KANK1: variants seen among roughly 807,000 people sequenced by gnomAD.
The protein encoded by KANK1 is KN motif and ankyrin repeat domain-containing protein 1.
Under a neutral mutation model 106.2 loss-of-function variants are expected in KANK1, and 109 were observed. The ratio of observed to expected loss-of-function variants is 1.03; its 90% CI spans 0.88 to 1.20. The LOEUF (loss-of-function observed/expected upper bound fraction) is 1.20, where lower values mean the gene tolerates loss of function less well. Among genes scored for constraint, KANK1 ranks in the 50% most tolerant of loss-of-function variants. The pLI is 0.00. For missense variants in KANK1, 2,399 were observed against 1,710.7 expected, an observed-to-expected ratio of 1.40 and a Z score of -7.10; for synonymous variants, 873 against 652.2, an observed-to-expected ratio of 1.34 and a Z score of -5.16.
chr9:737,195 C>G (rs147725532), intron 7 of KANK1, among the ~76,000 whole-genome samples: 2 of 152,086 alleles, frequency 1.3e-5, no homozygotes, highest in Non-Finnish European at 2.9e-5. Flanking sequence ...TGTGACAACT[C>G]CAGAGAAACA....
chr9:661,734 C>T (rs1452541162), intron 1 of KANK1, among the ~76,000 whole-genome samples: 3 of 152,178 alleles, frequency 2.0e-5, no homozygotes, highest in Non-Finnish European at 2.9e-5. Flanking sequence ...AGTTTACACT[C>T]CCACCAACTG....
At chr9:533,922 G>A (rs551560669) in intron 1 of KANK1, among the ~76,000 whole-genome samples, 11 of 152,082 alleles carry the variant, frequency 7.2e-5, no homozygotes, top group African/African-American at 1.9e-4. Flanking sequence ...TATCTTTTAC[G>A]AGGACCTGGA....
chr9:710,951 A>G lies in KANK1; in HGVS notation c.185A>G (p.Asn62Ser). 1.2e-6 allele frequency: 2 copies of G among 1,614,162 alleles called. No homozygotes were observed. Among genetic ancestry groups the G allele is most frequent in the Non-Finnish European group, 1.7e-6 (2 of 1,180,038 alleles). ...IQKGNTIKRL[N>S]IQKRRKPSVP... is the part of the protein sequence containing the mutation. ...AAGGGAAATACCATCAAAAGACTGA[A>G]CATCCAGAAGAGGCGGAAGCCGTCC... The change falls in exon 3 of 12, where the codon AAC becomes AGC. Residue 62 changes from asparagine to serine, a missense_variant. Transcript: ENST00000382297.
Position 745,203 on chromosome 9 carries a change from C to G in KANK1, c.4027C>G (p.Pro1343Ala). The G allele has an allele frequency of 6.2e-7, 1 of 1,614,060 alleles. No homozygotes were observed. Among genetic ancestry groups the G allele is most frequent in the Non-Finnish European group, 8.5e-7 (1 of 1,179,984 alleles). Residue 1343 changes from proline (P) to alanine (A), a missense_variant, in exon 12 of 12, where the codon CCT (proline) becomes GCT (alanine). Physicochemically the swap from Pro to Ala is conservative, Grantham distance 27. Transcript: ENST00000382297. ...CCCTAGGCTTGGAAGGAAGACGTCT[C>G]CTGGCCCCACCCACCGAGGTTCATT... ...GTPRLGRKTSPGPTHRGSFD is the reference protein window; with the variant it reads ...GTPRLGRKTSAGPTHRGSFD
chr9:500,347 C>CA (rs2058528944), upstream of KANK1, among the ~76,000 whole-genome samples: 1 of 152,130 alleles, frequency 6.6e-6, no homozygotes, highest in Non-Finnish European at 1.5e-5. Context: ...ATAGGAATTT[C>CA]AAAAAATCTG....
chr9:660,867 C>T (rs1043109682), intron 1 of KANK1, among the ~76,000 whole-genome samples: 6 of 152,226 alleles, frequency 3.9e-5, no homozygotes, highest in Admixed American at 3.3e-4. Flanking sequence ...GATAGGACAT[C>T]TGGCTTGCCA....
chr9:601,697 C>G (rs953693250), intron 1 of KANK1, among the ~76,000 whole-genome samples: 1 of 151,818 alleles, frequency 6.6e-6, no homozygotes, highest in Non-Finnish European at 1.5e-5. Flanking sequence ...TCAAATTATT[C>G]TAGCTTTGGC....
chr9:587,394 A>G (rs1823762249), intron 1 of KANK1, among the ~76,000 whole-genome samples: 1 of 152,214 alleles, frequency 6.6e-6, no homozygotes, highest in Non-Finnish European at 1.5e-5. Flanking sequence ...CCCCATTTTC[A>G]TAAACACAAT....
At chr9:634,951 C>T (rs9657578) in intron 1 of KANK1, among the ~76,000 whole-genome samples, 1,960 of 152,298 alleles carry the variant, frequency 0.013, 55 homozygotes, top group African/African-American at 0.045. Context: ...TGCCAGGCAT[C>T]ACATCTAGAC....
intron 1 of KANK1, among the ~76,000 whole-genome samples, chr9:536,687 A>G (rs1306071670): frequency 6.6e-6 from 1 of 152,230 alleles, no homozygotes; most frequent in African/African-American, 2.4e-5. Context: ...TAGATAATCC[A>G]GGAAAATCTC....
At chr9:472,109 TAAAA>T (rs1379725324) in intron 2 of KANK1, among the ~76,000 whole-genome samples, 1 of 152,190 alleles carries the variant, frequency 6.6e-6, no homozygotes, top group African/African-American at 2.4e-5. Context: ...AAATGGCTGA[TAAAA>T]AAACTTTTCT....
At chr9:669,640 C>G (rs1245952497) in intron 1 of KANK1, among the ~76,000 whole-genome samples, 1 of 151,982 alleles carries the variant, frequency 6.6e-6, no homozygotes, top group Non-Finnish European at 1.5e-5. Flanking sequence ...TTTTTTCTTG[C>G]TGCTTTTAGT....
At chr9:479,223 GTT>G (rs1489189036) in intron 3 of KANK1, among the ~76,000 whole-genome samples, 3 of 152,198 alleles carry the variant, frequency 2.0e-5, no homozygotes, top group Non-Finnish European at 4.4e-5. Flanking sequence ...GGTTACCAAT[GTT>G]AACAGACGCA....
intron 10 of KANK1, 151 bp from the exon 11 acceptor site, chr9:744,340 G>A (rs962389893): frequency 1.4e-6 from 1 of 735,214 alleles, no homozygotes; most frequent in Middle Eastern, 4.0e-4. Flanking sequence ...TTCACCCTTA[G>A]AGGTCCCAAA....
intron 1 of KANK1, among the ~76,000 whole-genome samples, chr9:548,286 C>G (rs1444237941): frequency 2.0e-5 from 3 of 152,168 alleles, no homozygotes; most frequent in African/African-American, 7.2e-5. Flanking sequence ...TTCAAAAGAT[C>G]CGCCAGGGAA....
At chr9:638,195 G>T (rs1302267700) in intron 1 of KANK1, among the ~76,000 whole-genome samples, 1 of 152,136 alleles carries the variant, frequency 6.6e-6, no homozygotes, top group East Asian at 1.9e-4. Flanking sequence ...CCCATTTTCT[G>T]TGGCTTATGA....
Position 526,453 on chromosome 9 carries a change from C to G in KANK1, c.-84+21699C>G, listed in dbSNP as rs1333674533. 4.0e-5 allele frequency among the ~76,000 whole-genome samples: 6 copies of G among 151,700 alleles called. 1 individual carries two copies. Among genetic ancestry groups the G allele is most frequent in the African/African-American group, 1.5e-4 (6 of 41,012 alleles). ...TAAGGCTGGGTGTGGTGGCTCGTGC[C>G]TGTAATCCCAACACTTTGGGAGGCC... On this transcript the variant is annotated intron_variant, in intron 1 of 11. Transcript: ENST00000382297.
Position 732,687 on chromosome 9 carries a change from G to A in KANK1, c.3245+70G>A, listed in dbSNP as rs958370499. 15 of 1,531,574 alleles carry A rather than the reference G, an allele frequency of 9.8e-6. No homozygotes were observed. In the African/African-American group the frequency reaches 1.8e-4, roughly 18 times the overall value. 94.9% of individuals were successfully genotyped at this position (1,531,574 alleles called of 1,614,324 possible). A position where few individuals can be genotyped will look rare whatever the true frequency, so the allele number is the denominator to read the frequency against. ...TGTACTTTGGCAATAGAGTTGGCCA[G>A]TTCAGAGCTTTTGTAATTAAATGTT... On this transcript the variant is annotated intron_variant, in intron 6 of 11. Transcript: ENST00000382297.
At chr9:574,725 C>T (rs957422931) in intron 1 of KANK1, among the ~76,000 whole-genome samples, 1 of 151,658 alleles carries the variant, frequency 6.6e-6, no homozygotes, top group South Asian at 2.1e-4. Flanking sequence ...CATGGTGGCA[C>T]GTGCCTGTGG....
Sources: allele counts gnomAD v4.1 joint callset (sites outside exome capture counted in the v4.1 genomes callset), GRCh38; gene constraint gnomAD v4.1.1; transcripts MANE v1.5; gene names NCBI Gene and HGNC (gene_info 2026-07-23, HGNC 2026-07-21).